Variants in AGXT observed in about 807,000 individuals in gnomAD.
The protein encoded by AGXT is L-alanine: glyoxylate aminotransferase 1.
AGXT carries 41 observed loss-of-function variants against 46.9 expected under a neutral mutation model. That is an observed-to-expected ratio of 0.88 (90% CI 0.68 to 1.14). The LOEUF (loss-of-function observed/expected upper bound fraction) is 1.14, where lower values mean the gene tolerates loss of function less well. AGXT is among the 50% of genes most tolerant of loss of function. AGXT has a pLI of 0.00. For missense variants in AGXT, 525 were observed against 522.7 expected, an observed-to-expected ratio of 1.00 and a Z score of -0.04; for synonymous variants, 244 against 227.9, an observed-to-expected ratio of 1.07 and a Z score of -0.64.
At chr2:240,878,181 A>G (rs746979172) in intron 10 of AGXT, 31 bp downstream of exon 10, 2 of 1,610,604 alleles carry the variant, frequency 1.2e-6, no homozygotes, top group Admixed American at 3.3e-5. Context: ...GGCCTTTTGC[A>G]GAAACCAAAC....
In AGXT at chr2:240,878,773, G is replaced by T; in HGVS notation, c.1131G>T (p.Thr377=). 6.3e-7 allele frequency: 1 copy of T among 1,594,782 alleles called. No individual in the cohort carries two copies. ...CCCGCGAGAATGTGGACCGCGTGAC[G>T]GAGGCCCTGAGGGCGGCCCTGCAGC... ...NATRENVDRV[T]EALRAALQHC... Residue 377 remains threonine (T), a synonymous_variant, in exon 11 of 11, where the codon ACG becomes ACT. Coordinates refer to ENST00000307503, the MANE Select transcript of AGXT (RefSeq NM_000030.3).
chr2:240,877,667 C>G lies in AGXT; in HGVS notation c.942+35C>G, dbSNP rs185421186. On this transcript the variant is annotated intron_variant, in intron 9 of 10. Transcript: ENST00000307503. ...CCCCTGGCATTGGGCAGCCCTGCAC[C>G]CATGGGGAAGGATGAGGGGCTCTTG... is the stretch of plus-strand genomic sequence containing the variant. The G allele has an allele frequency of 4.4e-5, 68 of 1,544,576 alleles. No homozygotes were observed. The Admixed American group carries it at 5.9e-4, about 13-fold the overall frequency.
At chr2:240,873,582 C>T (rs2059003244) in intron 5 of AGXT, 2 of 307,468 alleles carry the variant, frequency 6.5e-6, no homozygotes, top group Non-Finnish European at 1.2e-5. Flanking sequence ...TGCCCACCCA[C>T]TCCATGGGAG....
intron 8 of AGXT, chr2:240,877,023 G>A (rs1351249572): frequency 8.1e-6 from 2 of 247,656 alleles, no homozygotes; most frequent in Non-Finnish European, 1.6e-5. Context: ...GAGAGCTGGT[G>A]GCTGGAGGCC....
intron 4 of AGXT, among the ~76,000 whole-genome samples, chr2:240,872,290 TGCAGGAGGAGGAGGGTGAGAGTTCGTG>T (rs2058995149): frequency 7.9e-6 from 1 of 126,778 alleles, no homozygotes; most frequent in Non-Finnish European, 1.7e-5. Flanking sequence ...TTCGTGAACA[TGCAGGAGGAGGAGGGTGAGAGTTCGTG>T]AACATGGAGG....
intron 3 of AGXT, 134 bp from the exon 4 acceptor site, chr2:240,871,215 T>G: frequency 1.3e-6 from 1 of 762,584 alleles, no homozygotes; most frequent in Non-Finnish European, 2.3e-6. Context: ...CCTCCTCCCA[T>G]GCACACCATC....
rs147497484 is a variant in AGXT, at chr2:240,871,409, G to A, written c.484G>A (p.Val162Met). The change falls in exon 4 of 11, where the codon GTG becomes ATG. Residue 162 changes from valine (V) to methionine (M), a missense_variant. By Grantham distance (21) the Val-to-Met change is conservative. Coordinates refer to ENST00000307503, the MANE Select transcript of AGXT (RefSeq NM_000030.3). Reference sequence around the variant, plus strand: ...AACCCACGGGGAGTCGTCCACCGGCGTGCTGCAGCCCCTTGATGGCTTCGG... The same window carrying A: ...AACCCACGGGGAGTCGTCCACCGGCATGCTGCAGCCCCTTGATGGCTTCGG... ...FLTHGESSTG[V>M]LQPLDGFGEL... The A allele has an allele frequency of 2.4e-5, 39 of 1,600,214 alleles. 1 individual carries two copies. Among genetic ancestry groups the A allele is most frequent in the African/African-American group, 5.4e-5 (4 of 74,708 alleles).
At chr2:240,875,840 G>T (rs2059021758) in intron 7 of AGXT, 95 bp from the exon 8 acceptor site, 2 of 1,347,444 alleles carry the variant, frequency 1.5e-6, no homozygotes, top group African/African-American at 2.9e-5. Flanking sequence ...TGGTCAGAGA[G>T]CCTGTGCTGT....
intron 3 of AGXT, among the ~76,000 whole-genome samples, chr2:240,871,029 G>A (rs377056264): frequency 6.6e-6 from 1 of 152,100 alleles, no homozygotes; most frequent in East Asian, 1.9e-4. Flanking sequence ...TGACACTCAG[G>A]ATACCCCACC....
intron 8 of AGXT, 21 bp downstream of exon 8, chr2:240,876,025 A>C: frequency 3.7e-6 from 6 of 1,612,428 alleles, no homozygotes; most frequent in Non-Finnish European, 5.1e-6. Context: ...TGCACTCCAC[A>C]GGAGGAGACA....
In AGXT at chr2:240,874,153, G is replaced by T. The variant is rs2059007924; in HGVS notation, c.680+91G>T. 8.5e-6 allele frequency: 11 copies of T among 1,298,496 alleles called. No homozygotes were observed. In the South Asian group the frequency reaches 1.1e-4, roughly 13 times the overall value. 80.4% of individuals were successfully genotyped at this position (1,298,496 alleles called of 1,614,324 possible). A position where few individuals can be genotyped will look rare whatever the true frequency, so the allele number is the denominator to read the frequency against. ...GGCGGGAGGGGCGGGAGCCAGGCAG[G>T]AAGGGCTCCCCATGCTCCTCCAGCA... is the stretch of plus-strand genomic sequence containing the variant. On this transcript the variant is annotated intron_variant, in intron 6 of 10. Coordinates refer to ENST00000307503, the MANE Select transcript of AGXT (RefSeq NM_000030.3).
At chr2:240,869,748 C>T (rs2058981440) in intron 2 of AGXT, among the ~76,000 whole-genome samples, 1 of 152,216 alleles carries the variant, frequency 6.6e-6, no homozygotes, top group Non-Finnish European at 1.5e-5. Flanking sequence ...GAAGCCTCCC[C>T]TCAAATCTCA....
In AGXT at chr2:240,872,986, T is replaced by C; in HGVS notation, c.532T>C (p.Cys178Arg). The C allele has an allele frequency of 6.2e-7, 1 of 1,613,908 alleles. No individual in the cohort carries two copies. The highest frequency in any genetic ancestry group is 8.5e-7 in the Non-Finnish European group (1 of 1,179,876). ...TGTCCCCCACCTCTCCAGGTACAAG[T>C]GCCTGCTCCTGGTGGATTCGGTGGC... is the stretch of plus-strand genomic sequence containing the variant. ...GFGELCHRYK[C>R]LLLVDSVASL... Residue 178 changes from cysteine (C) to arginine (R), a missense_variant, in exon 5 of 11, where the codon TGC (cysteine) becomes CGC (arginine). Transcript: ENST00000307503.
intron 2 of AGXT, among the ~76,000 whole-genome samples, chr2:240,869,854 GGA>G (rs1388495444): frequency 6.6e-6 from 1 of 152,342 alleles, no homozygotes; most frequent in African/African-American, 2.4e-5. Context: ...GAGAGACACA[GGA>G]GCAGGAGTGT....
At chr2:240,872,359 G>GAGGAGGGTGAGAGTT (rs1319195996) in intron 4 of AGXT, among the ~76,000 whole-genome samples, 1 of 37,372 alleles carries the variant, frequency 2.7e-5, no homozygotes, top group African/African-American at 1.2e-4. Context: ...GAACATGCAG[G>GAGGAGGGTGAGAGTT]CGGAGGAGGG....
intron 5 of AGXT, chr2:240,873,440 C>A: frequency 3.4e-6 from 1 of 291,940 alleles, no homozygotes; most frequent in Non-Finnish European, 6.5e-6. Flanking sequence ...TGCCAGGCTG[C>A]CCATAGCAGT....
chr2:240,876,438 G>T (rs1171020082), intron 8 of AGXT, among the ~76,000 whole-genome samples: 1 of 152,200 alleles, frequency 6.6e-6, no homozygotes, highest in Non-Finnish European at 1.5e-5. Flanking sequence ...TGTGACCAGG[G>T]GTTGATTTGG....
In AGXT at chr2:240,873,031, C is replaced by A; in HGVS notation, c.577C>A (p.Leu193Ile). Reference protein sequence around the residue: ...DSVASLGGTPLYMDRQGIDIL... With the variant: ...DSVASLGGTPIYMDRQGIDIL... ...GGTGGCATCCCTGGGCGGGACCCCC[C>A]TTTACATGGACCGGCAAGGTAAGGG... Residue 193 changes from leucine to isoleucine, a missense_variant, in exon 5 of 11, where the codon CTT (leucine) becomes ATT (isoleucine). Coordinates refer to ENST00000307503, the MANE Select transcript of AGXT (RefSeq NM_000030.3). The A allele has an allele frequency of 6.2e-7, 1 of 1,613,926 alleles. No individual in the cohort carries two copies.
In AGXT at chr2:240,869,496, C is replaced by A; in HGVS notation, c.358+134C>A. Reference sequence around the variant, plus strand: ...ACCTTGTGGCCCTGTGCGCACGAACCTCCTGCCAGCCCACTGCCTCCTCCA... The same window carrying A: ...ACCTTGTGGCCCTGTGCGCACGAACATCCTGCCAGCCCACTGCCTCCTCCA... On this transcript the variant is annotated intron_variant, in intron 2 of 10. Coordinates refer to ENST00000307503, the MANE Select transcript of AGXT (RefSeq NM_000030.3). The A allele has an allele frequency of 2.8e-6, 3 of 1,077,470 alleles. No homozygotes were observed. In the South Asian group the frequency reaches 5.1e-5, roughly 18 times the overall value. 66.7% of individuals were successfully genotyped at this position (1,077,470 alleles called of 1,614,324 possible).
Sources: allele counts gnomAD v4.1 joint callset (sites outside exome capture counted in the v4.1 genomes callset), GRCh38; gene constraint gnomAD v4.1.1; transcripts MANE v1.5; gene names NCBI Gene and HGNC (gene_info 2026-07-23, HGNC 2026-07-21).